CEACAM21: variants seen among roughly 807,000 people sequenced by gnomAD.
CEACAM21 encodes cell adhesion molecule CEACAM21.
In CEACAM21, 38 loss-of-function variants were observed where a neutral mutation model predicts 33.2. The ratio of observed to expected loss-of-function variants is 1.14; its 90% CI spans 0.88 to 1.50. CEACAM21 has a LOEUF of 1.50. Among genes scored for constraint, CEACAM21 ranks in the 40% most tolerant of loss-of-function variants. CEACAM21 has a pLI of 0.00. For missense variants in CEACAM21, 385 were observed against 364.6 expected, an observed-to-expected ratio of 1.06 and a Z score of -0.46; for synonymous variants, 156 against 143.0, an observed-to-expected ratio of 1.09 and a Z score of -0.65.
chr19:41,584,959 C>A (rs1288424628), intron 4 of CEACAM21, among the ~76,000 whole-genome samples: 1 of 152,188 alleles, frequency 6.6e-6, no homozygotes, highest in Non-Finnish European at 1.5e-5. Flanking sequence ...ATGTCTCTTG[C>A]CAAAGGGCAG....
chr19:41,576,342 A>G lies in CEACAM21; in HGVS notation c.64+4A>G. Reference sequence around the variant, plus strand: ...TGGCAGGGGCTCTTGCTCACAGGTGAGGGGAGGACTCCCTGGGAGTGGGTG... The same window carrying G: ...TGGCAGGGGCTCTTGCTCACAGGTGGGGGGAGGACTCCCTGGGAGTGGGTG... On this transcript the variant is annotated splice_donor_region_variant and intron_variant, in intron 1 of 6. Transcript: ENST00000401445. 2 of 1,608,746 alleles carry G rather than the reference A, an allele frequency of 1.2e-6. No individual in the cohort carries two copies. The highest frequency in any genetic ancestry group is 1.7e-6 in the Non-Finnish European group (2 of 1,177,204).
At chr19:41,574,005 A>T (rs559697047), upstream of CEACAM21, among the ~76,000 whole-genome samples, 1 of 152,336 alleles carries the variant, frequency 6.6e-6, no homozygotes, top group East Asian at 1.9e-4. Flanking sequence ...GCACATAGAG[A>T]TCAATGGAAT....
intron 1 of CEACAM21, among the ~76,000 whole-genome samples, chr19:41,558,780 A>T (rs905883321): frequency 2.6e-5 from 4 of 152,252 alleles, no homozygotes; most frequent in Non-Finnish European, 5.9e-5. Context: ...ACAGGCAAAG[A>T]TTCTTATCCT....
intron 2 of CEACAM21, among the ~76,000 whole-genome samples, chr19:41,566,622 A>G (rs558160237): frequency 1.3e-5 from 2 of 152,356 alleles, no homozygotes; most frequent in East Asian, 1.9e-4. Context: ...AGATTGGTCT[A>G]TAATTTTCTT....
chr19:41,564,935 C>G (rs3745937), exon 2 of CEACAM21: 1 of 152,248 alleles, frequency 6.6e-6, no homozygotes, highest in Non-Finnish European at 1.5e-5. Flanking sequence ...ATGACACAGT[C>G]GGATTCCCAA....
chr19:41,576,552 A>G (rs2042962429), intron 1 of CEACAM21, among the ~76,000 whole-genome samples: 1 of 152,258 alleles, frequency 6.6e-6, no homozygotes, highest in Admixed American at 6.5e-5. Context: ...GTTCATTGTC[A>G]GTGGCCACTA....
intron 3 of CEACAM21, among the ~76,000 whole-genome samples, chr19:41,584,021 G>T (rs545975169): frequency 1.3e-5 from 2 of 152,088 alleles, no homozygotes; most frequent in African/African-American, 2.4e-5. Context: ...TGCCCTTTAC[G>T]ACTGCCATGG....
intron 2 of CEACAM21, among the ~76,000 whole-genome samples, chr19:41,569,202 T>TC (rs2042446264): frequency 6.6e-6 from 1 of 152,024 alleles, no homozygotes; most frequent in Admixed American, 6.6e-5. Flanking sequence ...ATTCCATATT[T>TC]CTTTTTTTTT....
chr19:41,584,998 T>A (rs1299634651), intron 4 of CEACAM21, among the ~76,000 whole-genome samples: 2 of 152,210 alleles, frequency 1.3e-5, no homozygotes, highest in African/African-American at 4.8e-5. Context: ...TTGTCCCATT[T>A]CAGCATCTCC....
upstream of CEACAM21, among the ~76,000 whole-genome samples, chr19:41,575,718 G>T (rs774045519): frequency 1.5e-4 from 23 of 152,054 alleles, no homozygotes; most frequent in Non-Finnish European, 2.6e-4. Flanking sequence ...CTGTCCCTGG[G>T]TCAGAGGCCA....
At chr19:41,554,348 G>A (rs758118152) in intron 1 of CEACAM21, among the ~76,000 whole-genome samples, 23 of 152,060 alleles carry the variant, frequency 1.5e-4, no homozygotes, top group South Asian at 4.1e-4. Context: ...GTGACTGAAC[G>A]TTTTAGGGTA....
intron 1 of CEACAM21, among the ~76,000 whole-genome samples, chr19:41,561,651 T>G (rs1400572697): frequency 1.3e-5 from 2 of 152,364 alleles, no homozygotes; most frequent in East Asian, 3.9e-4. Context: ...AATTGCCTAC[T>G]GCACATCAAG....
At chr19:41,558,023 T>C (rs1430743600) in intron 1 of CEACAM21, among the ~76,000 whole-genome samples, 1 of 152,210 alleles carries the variant, frequency 6.6e-6, no homozygotes, top group Non-Finnish European at 1.5e-5. Flanking sequence ...CTGAGCCTGA[T>C]CATCTTACTT....
At chr19:41,581,694 A>G (rs1359195695) in intron 3 of CEACAM21, among the ~76,000 whole-genome samples, 2 of 152,196 alleles carry the variant, frequency 1.3e-5, no homozygotes, top group African/African-American at 4.8e-5. Flanking sequence ...GCATGTGTAG[A>G]GGAACTCCCC....
chr19:41,583,897 G>A lies in CEACAM21; in HGVS notation c.701-450G>A, dbSNP rs369500604. On this transcript the variant is annotated intron_variant, in intron 3 of 6. Transcript: ENST00000401445. ...CCTTCTCCCTCAAGGCAATGGGAGG[G>A]TGAGAAAAGCTGCAGGTAGATTGAT... 4.0e-5 allele frequency among the ~76,000 whole-genome samples: 6 copies of A among 151,448 alleles called. No homozygotes were observed. In the South Asian group the frequency reaches 1.0e-3, roughly 26 times the overall value.
chr19:41,566,177 C>T (rs1328706932), intron 2 of CEACAM21, among the ~76,000 whole-genome samples: 2 of 152,018 alleles, frequency 1.3e-5, no homozygotes, highest in African/African-American at 2.4e-5. Context: ...GTTATTTGAG[C>T]GAGAAGTGGT....
intron 2 of CEACAM21, among the ~76,000 whole-genome samples, chr19:41,568,882 C>G (rs1355500803): frequency 1.3e-5 from 2 of 152,186 alleles, no homozygotes; most frequent in Admixed American, 6.5e-5. Context: ...CTGTAGACCA[C>G]TTTGGGTGGT....
chr19:41,572,461 C>G (rs1022179622), upstream of CEACAM21, among the ~76,000 whole-genome samples: 6 of 152,156 alleles, frequency 3.9e-5, no homozygotes, highest in Admixed American at 2.6e-4. Flanking sequence ...ATGGGAAGCT[C>G]CCTGTAAGCC....
At chr19:41,584,671 G>C (rs1338875537) in intron 4 of CEACAM21, among the ~76,000 whole-genome samples, 5 of 152,160 alleles carry the variant, frequency 3.3e-5, no homozygotes, top group African/African-American at 1.2e-4. Context: ...ATGCCCCTGA[G>C]CATGGTCCTA....
Sources: allele counts gnomAD v4.1 joint callset (sites outside exome capture counted in the v4.1 genomes callset), GRCh38; gene constraint gnomAD v4.1.1; transcripts MANE v1.5; gene names NCBI Gene and HGNC (gene_info 2026-07-23, HGNC 2026-07-21).